RYR2: variants seen among roughly 807,000 people sequenced by gnomAD.
The protein encoded by RYR2 is cardiac muscle ryanodine receptor-calcium release channel.
Under a neutral mutation model 601.1 loss-of-function variants are expected in RYR2, and 227 were observed. The ratio of observed to expected loss-of-function variants is 0.38; its 90% CI spans 0.34 to 0.42. The LOEUF (loss-of-function observed/expected upper bound fraction) is 0.42. Among genes scored for constraint, RYR2 ranks in the 10% least tolerant of loss-of-function variants. The pLI, the probability that RYR2 is intolerant of heterozygous loss-of-function variation, is 1.00. For missense variants in RYR2, 4,646 were observed against 6,156.5 expected (o/e 0.75, Z 8.21); for synonymous variants, 2,223 against 2,175.1 (o/e 1.02, Z -0.61).
rs150870800 is a variant in RYR2, at chr1:237,567,701, T to C, written c.3423+926T>C. On this transcript the variant is annotated intron_variant, in intron 28 of 104. Coordinates refer to ENST00000366574, the MANE Select transcript of RYR2 (RefSeq NM_001035.3). Reference sequence around the variant, plus strand: ...ATCATAGATTTTTTTAAAGTCTTCTTTTTTTTTTATTTTTTAAGTGAATTT... The same window carrying C: ...ATCATAGATTTTTTTAAAGTCTTCTCTTTTTTTTATTTTTTAAGTGAATTT... 4.1e-3 allele frequency among the ~76,000 whole-genome samples: 622 copies of C among 150,478 alleles called. 9 individuals carry two copies. Among genetic ancestry groups the C allele is most frequent in the African/African-American group, 0.014 (584 of 41,004 alleles).
At chr1:237,083,183 T>A (rs749317111) in intron 1 of RYR2, among the ~76,000 whole-genome samples, 15 of 152,192 alleles carry the variant, frequency 9.9e-5, no homozygotes, top group Non-Finnish European at 2.1e-4. Flanking sequence ...GAAAACCCTC[T>A]AAGTGTTCTC....
At chr1:237,556,880 C>CAAAAAA (rs869116177) in intron 27 of RYR2, among the ~76,000 whole-genome samples, 9 of 77,832 alleles carry the variant, frequency 1.2e-4, no homozygotes, top group African/African-American at 3.3e-4. Flanking sequence ...TCCCTCCCAC[C>CAAAAAA]AAAAAAAAAA....
chr1:237,697,142 C>T (rs1275313669), intron 63 of RYR2, among the ~76,000 whole-genome samples: 3 of 151,336 alleles, frequency 2.0e-5, no homozygotes, highest in African/African-American at 7.3e-5. Flanking sequence ...TTGCTTGGAA[C>T]ACCAGGTTCA....
chr1:237,790,570 T>C (rs893592352), intron 92 of RYR2, among the ~76,000 whole-genome samples: 14 of 152,098 alleles, frequency 9.2e-5, no homozygotes, highest in Non-Finnish European at 8.8e-5. Flanking sequence ...AAAATAATAA[T>C]TATACTGGAA....
chr1:237,246,375 C>T lies in RYR2; in HGVS notation c.49-24122C>T, dbSNP rs528211794. On this transcript the variant is annotated intron_variant, in intron 1 of 104. Coordinates refer to ENST00000366574, the MANE Select transcript of RYR2 (RefSeq NM_001035.3). The stretch of plus-strand genomic sequence containing the variant: ...CTTCCCAAAGTGCTGAGATTACAGG[C>T]GTGAGCCACCGTGCCTGGACTGTTT... Among the ~76,000 whole-genome samples, 7 of 152,316 alleles carry T rather than the reference C, an allele frequency of 4.6e-5. No individual in the cohort carries two copies. In the South Asian group the frequency reaches 1.0e-3, roughly 23 times the overall value.
At chr1:237,225,258 G>C (rs909224623) in intron 1 of RYR2, among the ~76,000 whole-genome samples, 5 of 152,172 alleles carry the variant, frequency 3.3e-5, no homozygotes, top group Non-Finnish European at 7.3e-5. Context: ...CTTGGGAACT[G>C]TCCCCAAGAG....
intron 24 of RYR2, among the ~76,000 whole-genome samples, chr1:237,527,173 G>A (rs1462601798): frequency 6.6e-6 from 1 of 151,988 alleles, no homozygotes; most frequent in Non-Finnish European, 1.5e-5. Flanking sequence ...GTCTAATTTT[G>A]TACCATTACC....
intron 38 of RYR2, 53 bp downstream of exon 38, chr1:237,617,539 A>G: frequency 1.3e-6 from 2 of 1,554,340 alleles, no homozygotes; most frequent in Non-Finnish European, 8.8e-7. Flanking sequence ...TTAGTCATTC[A>G]GGATCTCTGC....
chr1:237,550,268 G>A (rs1465270226), intron 26 of RYR2, among the ~76,000 whole-genome samples: 7 of 152,198 alleles, frequency 4.6e-5, no homozygotes, highest in African/African-American at 1.7e-4. Flanking sequence ...TGTGAACGTG[G>A]CAGATGGAAG....
At chr1:237,492,456 G>A (rs960165896) in intron 18 of RYR2, among the ~76,000 whole-genome samples, 10 of 152,204 alleles carry the variant, frequency 6.6e-5, no homozygotes, top group African/African-American at 1.7e-4. Context: ...CTACTGTAAT[G>A]TTTAAATAAC....
chr1:237,146,366 C>T lies in RYR2; in HGVS notation c.48+103797C>T, dbSNP rs75983414. ...TGGGAAGGGGCACTGCCGAATTTAGCGTATGGTTTGTGTCTTGGAGAAAGT... is the reference window on the plus strand; with the variant it reads ...TGGGAAGGGGCACTGCCGAATTTAGTGTATGGTTTGTGTCTTGGAGAAAGT... On this transcript the variant is annotated intron_variant, in intron 1 of 104. Coordinates refer to ENST00000366574, the MANE Select transcript of RYR2 (RefSeq NM_001035.3). Among the ~76,000 whole-genome samples, 741 of 152,244 alleles carry T rather than the reference C, an allele frequency of 4.9e-3. 5 individuals carry two copies. Among genetic ancestry groups the T allele is most frequent in the Middle Eastern group, 0.01 (3 of 294 alleles).
intron 1 of RYR2, among the ~76,000 whole-genome samples, chr1:237,052,987 T>A (rs757887334): frequency 2.4e-4 from 36 of 152,176 alleles, no homozygotes; most frequent in Non-Finnish European, 8.8e-5. Flanking sequence ...TAGCTGGGAT[T>A]ACAGGTGCCC....
intron 25 of RYR2, among the ~76,000 whole-genome samples, chr1:237,539,855 G>GT (rs1477488804): frequency 1.3e-5 from 2 of 151,902 alleles, no homozygotes; most frequent in African/African-American, 4.8e-5. Context: ...AAAATAAAAT[G>GT]TTTTTTTAAA....
chr1:237,254,941 A>T (rs1687804611), intron 1 of RYR2, among the ~76,000 whole-genome samples: 4 of 152,094 alleles, frequency 2.6e-5, no homozygotes, highest in African/African-American at 9.7e-5. Context: ...TCAATGTTTG[A>T]TTTTAACTCT....
chr1:237,422,948 T>G, intron 11 of RYR2, 144 bp from the exon 12 acceptor site: 1 of 920,484 alleles, frequency 1.1e-6, no homozygotes. Context: ...ATTTGTGAAA[T>G]GAAATTAATA....
intron 17 of RYR2, among the ~76,000 whole-genome samples, chr1:237,469,544 G>A (rs1660481092): frequency 6.6e-6 from 1 of 151,922 alleles, no homozygotes; most frequent in African/African-American, 2.4e-5. Flanking sequence ...AGTCATTTCT[G>A]AATAGTCATC....
intron 1 of RYR2, among the ~76,000 whole-genome samples, chr1:237,119,822 G>C (rs1400108441): frequency 6.6e-6 from 1 of 152,200 alleles, no homozygotes; most frequent in Non-Finnish European, 1.5e-5. Flanking sequence ...TCTCTGCCTT[G>C]ACCTTCAATC....
intron 100 of RYR2, among the ~76,000 whole-genome samples, chr1:237,812,948 A>G (rs775984256): frequency 6.6e-6 from 1 of 151,906 alleles, no homozygotes; most frequent in African/African-American, 2.4e-5. Context: ...ATTCAATGCA[A>G]TAAGACTGAC....
intron 3 of RYR2, chr1:237,333,643 C>T (rs1335831030): frequency 2.9e-5 from 13 of 455,904 alleles, no homozygotes; most frequent in Non-Finnish European, 5.7e-5. Flanking sequence ...TGATATGTGA[C>T]TCATGGATGC....
Sources: allele counts gnomAD v4.1 joint callset (sites outside exome capture counted in the v4.1 genomes callset), GRCh38; gene constraint gnomAD v4.1.1; transcripts MANE v1.5; gene names NCBI Gene and HGNC (gene_info 2026-07-23, HGNC 2026-07-21).